ITFG1: variants seen among roughly 807,000 people sequenced by gnomAD.
ITFG1 encodes integrin alpha FG-GAP repeat containing 1.
ITFG1 carries 34 observed loss-of-function variants against 81.8 expected under a neutral mutation model. That is an observed-to-expected ratio of 0.42 (90% CI 0.32 to 0.55). The LOEUF is 0.55. ITFG1 is among the 20% of genes least tolerant of loss of function. The pLI, the probability that ITFG1 is intolerant of heterozygous loss-of-function variation, is 0.17. For missense variants in ITFG1, 672 were observed against 755.4 expected (o/e 0.89, Z 1.29); for synonymous variants, 285 against 270.6 (o/e 1.05, Z -0.52).
At chr16:47,309,460 C>T (rs1346869171) in intron 10 of ITFG1, among the ~76,000 whole-genome samples, 3 of 152,122 alleles carry the variant, frequency 2.0e-5, no homozygotes, top group Admixed American at 2.0e-4. Context: ...AGAAAATGAT[C>T]TAACAAGGTC....
At chr16:47,171,028 CCTTTT>C (rs1439120588) in intron 14 of ITFG1, among the ~76,000 whole-genome samples, 1 of 112,632 alleles carries the variant, frequency 8.9e-6, no homozygotes, top group Non-Finnish European at 1.7e-5. Flanking sequence ...AGCCACTGTG[CCTTTT>C]TTTTTTTTTT....
intron 6 of ITFG1, among the ~76,000 whole-genome samples, chr16:47,396,410 T>TAGAAATGA (rs1446495316): frequency 6.6e-6 from 1 of 151,904 alleles, no homozygotes; most frequent in Non-Finnish European, 1.5e-5. Context: ...CAAACTGTGA[T>TAGAAATGA]AGAAATGAAG....
At chr16:47,400,007 T>A in intron 6 of ITFG1, among the ~76,000 whole-genome samples, 1 of 152,210 alleles carries the variant, frequency 6.6e-6, no homozygotes, top group East Asian at 1.9e-4. Context: ...TACTGGATAC[T>A]TTGCATGTGT....
intron 12 of ITFG1, among the ~76,000 whole-genome samples, chr16:47,254,873 T>G (rs1007770823): frequency 1.3e-5 from 2 of 152,168 alleles, no homozygotes; most frequent in African/African-American, 4.8e-5. Flanking sequence ...ATAGTTCCTT[T>G]AAAGTACACT....
intron 6 of ITFG1, among the ~76,000 whole-genome samples, chr16:47,395,723 C>T (rs942589189): frequency 2.0e-5 from 3 of 152,096 alleles, no homozygotes; most frequent in Non-Finnish European, 4.4e-5. Flanking sequence ...GAGTATTTAC[C>T]GGCACCATAT....
chr16:47,222,136 A>C (rs2151528282), intron 13 of ITFG1, among the ~76,000 whole-genome samples: 1 of 151,564 alleles, frequency 6.6e-6, no homozygotes, highest in Admixed American at 6.6e-5. Context: ...TAGCTTTTGA[A>C]TGTGTTTGCT....
chr16:47,269,474 C>T (rs1966312869), intron 10 of ITFG1, among the ~76,000 whole-genome samples: 1 of 143,178 alleles, frequency 7.0e-6, no homozygotes, highest in African/African-American at 2.6e-5. Flanking sequence ...CATAGAAAGA[C>T]CCTGTCTCTA....
chr16:47,403,284 A>G (rs1968686055), intron 6 of ITFG1, among the ~76,000 whole-genome samples: 1 of 151,758 alleles, frequency 6.6e-6, no homozygotes, highest in Admixed American at 6.6e-5. Flanking sequence ...ACTGTGTGGA[A>G]GCAACCAGAT....
chr16:47,405,672 T>C (rs1968719179), intron 6 of ITFG1, among the ~76,000 whole-genome samples: 1 of 152,126 alleles, frequency 6.6e-6, no homozygotes, highest in African/African-American at 2.4e-5. Context: ...CTCTGTAAGG[T>C]GATTGTGAGG....
chr16:47,198,309 T>A (rs1965382778), intron 14 of ITFG1, among the ~76,000 whole-genome samples: 1 of 152,140 alleles, frequency 6.6e-6, no homozygotes, highest in Admixed American at 6.5e-5. Context: ...AAGATGGTGG[T>A]CCCATAAAAT....
intron 5 of ITFG1, chr16:47,449,248 CA>C (rs951318028): frequency 1.3e-5 from 2 of 152,134 alleles, no homozygotes; most frequent in Non-Finnish European, 2.9e-5. Flanking sequence ...ATCCATAAAG[CA>C]TAATATTTAA....
chr16:47,450,441 C>T (rs910457576), intron 5 of ITFG1: 6 of 421,486 alleles, frequency 1.4e-5, no homozygotes, highest in African/African-American at 1.1e-4. Flanking sequence ...GGGGCGCGTT[C>T]AGGGTGGTAT....
intron 10 of ITFG1, among the ~76,000 whole-genome samples, chr16:47,271,428 C>A (rs1966338611): frequency 6.6e-6 from 1 of 152,122 alleles, no homozygotes; most frequent in African/African-American, 2.4e-5. Context: ...ACTTCACACC[C>A]ACCAGGATGG....
chr16:47,396,811 G>T (rs1968599911), intron 6 of ITFG1, among the ~76,000 whole-genome samples: 1 of 152,130 alleles, frequency 6.6e-6, no homozygotes, highest in African/African-American at 2.4e-5. Flanking sequence ...GGTAGTAGGA[G>T]AGTGGCTATG....
intron 10 of ITFG1, among the ~76,000 whole-genome samples, chr16:47,274,510 T>C (rs752992086): frequency 1.2e-4 from 19 of 152,330 alleles, no homozygotes; most frequent in South Asian, 2.1e-4. Flanking sequence ...GTAACACAAT[T>C]AGCCCTTCTA....
chr16:47,457,022 C>T (rs920270676), intron 2 of ITFG1, among the ~76,000 whole-genome samples: 5 of 151,950 alleles, frequency 3.3e-5, no homozygotes, highest in Non-Finnish European at 7.4e-5. Context: ...TCATTTATTC[C>T]AGTAGGGCAA....
chr16:47,262,413 T>A (rs1474546688), intron 10 of ITFG1, among the ~76,000 whole-genome samples: 3 of 152,216 alleles, frequency 2.0e-5, no homozygotes, highest in Admixed American at 6.5e-5. Context: ...CCCTTTTAGC[T>A]AAAGAGTTTT....
At chr16:47,319,531 C>T (rs1434904496) in intron 8 of ITFG1, among the ~76,000 whole-genome samples, 3 of 152,130 alleles carry the variant, frequency 2.0e-5, no homozygotes, top group East Asian at 1.9e-4. Context: ...ATACTTGGTA[C>T]GCAGATGTGT....
chr16:47,181,290 C>A (rs537401663), intron 14 of ITFG1, among the ~76,000 whole-genome samples: 8 of 148,716 alleles, frequency 5.4e-5, no homozygotes, highest in Non-Finnish European at 8.9e-5. Flanking sequence ...AAGTGAGGAG[C>A]GTCTCTGTCT....
Sources: gnomAD v4.1 joint callset for allele counts (sites outside exome capture counted in the v4.1 genomes callset) on GRCh38, gnomAD v4.1.1 for gene constraint, MANE v1.5 for transcripts, NCBI Gene and HGNC (gene_info 2026-07-23, HGNC 2026-07-21) for gene names.